The following NPHS2 variants were observed in gnomAD, a reference collection of about 807,000 sequenced individuals.
NPHS2 encodes NPHS2 stomatin family member, podocin, also known as podocin.
In NPHS2, 36 loss-of-function variants were observed where a neutral mutation model predicts 37.1. That is an observed-to-expected ratio of 0.97 (90% CI 0.74 to 1.28). NPHS2 has a LOEUF of 1.28. Among genes scored for constraint, NPHS2 ranks in the 50% most tolerant of loss-of-function variants. NPHS2 has a pLI of 0.00. For missense variants in NPHS2, 447 were observed against 488.1 expected, an observed-to-expected ratio of 0.92 and a Z score of 0.79; for synonymous variants, 196 against 189.3, an observed-to-expected ratio of 1.04 and a Z score of -0.29.
intron 3 of NPHS2, among the ~76,000 whole-genome samples, chr1:179,560,106 T>A (rs892249038): frequency 1.3e-5 from 2 of 152,186 alleles, no homozygotes; most frequent in Non-Finnish European, 2.9e-5. Flanking sequence ...CCTTAGTGTC[T>A]GACTTAGTGC....
chr1:179,565,437 GATGCT>G (rs1263860064), intron 1 of NPHS2, among the ~76,000 whole-genome samples: 1 of 152,148 alleles, frequency 6.6e-6, no homozygotes, highest in Admixed American at 6.5e-5. Flanking sequence ...ATATTATGAG[GATGCT>G]AACATCTCAT....
At chr1:179,567,082 G>GT (rs1390775256) in intron 1 of NPHS2, among the ~76,000 whole-genome samples, 1 of 152,288 alleles carries the variant, frequency 6.6e-6, no homozygotes. Context: ...CTTTAAAGTA[G>GT]TTTTTTCAAG....
In NPHS2 at chr1:179,575,851, G is replaced by C. The variant is rs1213377429; in HGVS notation, c.14C>G (p.Ala5Gly). 1.4e-6 allele frequency: 2 copies of C among 1,425,714 alleles called. No individual in the cohort carries two copies. Among genetic ancestry groups the C allele is most frequent in the Non-Finnish European group, 1.8e-6 (2 of 1,098,936 alleles). 88.3% of individuals were successfully genotyped at this position (1,425,714 alleles called of 1,614,324 possible). Reference sequence around the variant, plus strand: ...GCGGGACTCCCTGGAGGAGCTCCGCGCCCTCCTCTCCATCCTCAGAGCTGC... The same window carrying C: ...GCGGGACTCCCTGGAGGAGCTCCGCCCCCTCCTCTCCATCCTCAGAGCTGC... MERRARSSSRESRGR... is the reference protein window; with the variant it reads MERRGRSSSRESRGR... The change falls in exon 1 of 8, where the codon GCG becomes GGG. Residue 5 changes from alanine (A) to glycine (G), a missense_variant. Transcript: ENST00000367615.
In NPHS2 at chr1:179,559,792, A is replaced by G. The variant is rs16854341; in HGVS notation, c.452-31T>C. 0.01 allele frequency: 14,698 copies of G among 1,438,442 alleles called. 1,196 individuals carry two copies. The African/African-American group carries it at 0.18, about 18-fold the overall frequency. 89.1% of individuals were successfully genotyped at this position (1,438,442 alleles called of 1,614,324 possible). A position where few individuals can be genotyped will look rare whatever the true frequency, so the allele number is the denominator to read the frequency against. On this transcript the variant is annotated intron_variant, in intron 3 of 7. Coordinates refer to ENST00000367615, the MANE Select transcript of NPHS2 (RefSeq NM_014625.4). ...AGAGAGGAGGAGGAAGTGACAGATA[A>G]ATAGCTAGCATGAAGGCTGTTTGGG...
chr1:179,565,273 CAAAAAT>C (rs1462875965), intron 1 of NPHS2, among the ~76,000 whole-genome samples: 1 of 151,808 alleles, frequency 6.6e-6, no homozygotes, highest in Non-Finnish European at 1.5e-5. Context: ...GATCTTGTCT[CAAAAAT>C]AAAATAAAAA....
intron 1 of NPHS2, 80 bp downstream of exon 1, chr1:179,575,511 G>T (rs1344735446): frequency 4.1e-5 from 64 of 1,570,176 alleles, no homozygotes; most frequent in Non-Finnish European, 5.2e-6. Context: ...TGGGTCTCGT[G>T]GGGATGACCC....
intron 1 of NPHS2, among the ~76,000 whole-genome samples, chr1:179,574,079 T>C (rs1674667041): frequency 1.3e-5 from 2 of 152,112 alleles, no homozygotes. Flanking sequence ...TTCAGAAACC[T>C]CCCACACAAG....
At chr1:179,575,562 A>G (rs2101886901) in intron 1 of NPHS2, 29 bp downstream of exon 1, 2 of 1,599,564 alleles carry the variant, frequency 1.3e-6, no homozygotes, top group South Asian at 2.2e-5. Context: ...CACCTGGAAA[A>G]GTAGCAGATA....
At chr1:179,570,649 G>A (rs978850610) in intron 1 of NPHS2, among the ~76,000 whole-genome samples, 28 of 152,240 alleles carry the variant, frequency 1.8e-4, no homozygotes, top group Non-Finnish European at 3.5e-4. Context: ...TTTATGGCCA[G>A]TTTTGGGGCC....
At chr1:179,566,642 G>GTTCAGAACCATGTTCAGAA (rs1279650133) in intron 1 of NPHS2, among the ~76,000 whole-genome samples, 6 of 152,170 alleles carry the variant, frequency 3.9e-5, no homozygotes. Context: ...CCTTGTCCAT[G>GTTCAGAACCATGTTCAGAA]CCTATGTTCT....
intron 2 of NPHS2, among the ~76,000 whole-genome samples, chr1:179,562,825 GA>G (rs1427722643): frequency 6.6e-6 from 1 of 152,110 alleles, no homozygotes; most frequent in East Asian, 1.9e-4. Context: ...GCTTTTATTG[GA>G]AAAAACAAAT....
rs771280420 is a variant in NPHS2 at position 179,564,685 on chromosome 1, C to T, written c.378+5G>A. 6.2e-6 allele frequency: 10 copies of T among 1,612,828 alleles called. No homozygotes were observed. Among genetic ancestry groups the T allele is most frequent in the Non-Finnish European group, 7.6e-6 (9 of 1,179,076 alleles). On this transcript the variant is annotated splice_donor_5th_base_variant and intron_variant, in intron 2 of 7. Coordinates refer to ENST00000367615, the MANE Select transcript of NPHS2 (RefSeq NM_014625.4). ...ATTACCTATTGGGTCCTTATGGAAT[C>T]TCACCTTTACGCAGAACCAGATGGA...
chr1:179,561,252 G>C, intron 3 of NPHS2, 37 bp downstream of exon 3: 3 of 1,471,578 alleles, frequency 2.0e-6, no homozygotes, highest in Non-Finnish European at 2.9e-6. Context: ...GGCAAGTCAG[G>C]AGAGAGGTGT....
intron 2 of NPHS2, among the ~76,000 whole-genome samples, chr1:179,563,485 A>C (rs763671375): frequency 6.6e-6 from 1 of 152,218 alleles, no homozygotes; most frequent in Admixed American, 6.5e-5. Context: ...TACACAGAAC[A>C]TCTCCACCCA....
chr1:179,551,245 G>A lies in NPHS2; in HGVS notation c.1080C>T (p.Ser360=), dbSNP rs1008544396. The change falls in exon 8 of 8, where the codon AGC becomes AGT. Residue 360 remains serine (S), a synonymous_variant. Coordinates refer to ENST00000367615, the MANE Select transcript of NPHS2 (RefSeq NM_014625.4). ...GTTTGGAAGGACTTGGGAAGGGGAG[G>A]CTTCCCTGAGTTCTGTTGCTGGGAG... The part of the protein sequence containing the change: ...LSSPSNRTQG[S]LPFPSPSKPV... 5 of 1,614,096 alleles carry A rather than the reference G, an allele frequency of 3.1e-6. No individual in the cohort carries two copies. The highest frequency in any genetic ancestry group is 4.2e-6 in the Non-Finnish European group (5 of 1,179,994).
Position 179,575,745 on chromosome 1 carries a change from C to T in NPHS2, c.120G>A (p.Glu40=), listed in dbSNP as rs1183621605. ...ERSGGGRGRQ[E]AGPEPSGSGR... Reference sequence around the variant, plus strand: ...CGGAGCCCGACGGCTCGGGCCCAGCCTCCTGGCGCCCGCGGCCTCCGCCGC... The same window carrying T: ...CGGAGCCCGACGGCTCGGGCCCAGCTTCCTGGCGCCCGCGGCCTCCGCCGC... The change falls in exon 1 of 8, where the codon GAG becomes GAA. Residue 40 remains glutamate (E), a synonymous_variant. Coordinates refer to ENST00000367615, the MANE Select transcript of NPHS2 (RefSeq NM_014625.4). The T allele has an allele frequency of 1.1e-5, 16 of 1,507,578 alleles. No individual in the cohort carries two copies. Among genetic ancestry groups the T allele is most frequent in the East Asian group, 1.1e-4 (4 of 38,074 alleles). The allele number at this position is 1,507,578 out of a possible 1,614,324, so 93.4% of individuals were successfully genotyped here.
intron 1 of NPHS2, among the ~76,000 whole-genome samples, chr1:179,569,589 G>T (rs1326271114): frequency 1.3e-5 from 2 of 152,136 alleles, no homozygotes; most frequent in Admixed American, 1.3e-4. Flanking sequence ...TCATTATGAT[G>T]TTTGCTGGTT....
rs754207095 is a variant in NPHS2, at chr1:179,575,757, G to A, written c.108C>T (p.Arg36=). 6.7e-7 allele frequency: 1 copy of A among 1,493,610 alleles called. No homozygotes were observed. The highest frequency in any genetic ancestry group is 1.3e-5 in the South Asian group (1 of 77,946). The allele number at this position is 1,493,610 out of a possible 1,614,324, so 92.5% of individuals were successfully genotyped here. ...RAKAERSGGG[R]GRQEAGPEPS... Reference sequence around the variant, plus strand: ...GCTCGGGCCCAGCCTCCTGGCGCCCGCGGCCTCCGCCGCTCCTCTCGGCCT... The same window carrying A: ...GCTCGGGCCCAGCCTCCTGGCGCCCACGGCCTCCGCCGCTCCTCTCGGCCT... The change falls in exon 1 of 8, where the codon CGC becomes CGT. Residue 36 remains arginine (R), a synonymous_variant. Coordinates refer to ENST00000367615, the MANE Select transcript of NPHS2 (RefSeq NM_014625.4).
In NPHS2 at chr1:179,551,449, C is replaced by T. The variant is rs749231563; in HGVS notation, c.876G>A (p.Met292Ile). The T allele has an allele frequency of 2.7e-5, 43 of 1,613,124 alleles. No individual in the cohort carries two copies. Among genetic ancestry groups the T allele is most frequent in the Non-Finnish European group, 3.4e-5 (40 of 1,180,026 alleles). ...AEAQRQAKVR[M>I]IAAEAEKAAS... ...CAGCCTTTTCCGCTTCTGCAGCAAT[C>T]ATCTAGAAAACATGTGACGAAAGCA... Residue 292 changes from methionine (M) to isoleucine (I), a missense_variant and splice_region_variant, in exon 8 of 8, where the codon ATG (methionine) becomes ATA (isoleucine). Coordinates refer to ENST00000367615, the MANE Select transcript of NPHS2 (RefSeq NM_014625.4).
Sources: gnomAD v4.1 joint callset for allele counts (sites outside exome capture counted in the v4.1 genomes callset) on GRCh38, gnomAD v4.1.1 for gene constraint, MANE v1.5 for transcripts, NCBI Gene and HGNC (gene_info 2026-07-23, HGNC 2026-07-21) for gene names.